SLC24A2: variants seen among roughly 807,000 people sequenced by gnomAD.
The protein encoded by SLC24A2 is sodium/potassium/calcium exchanger 2.
In SLC24A2, 36 loss-of-function variants were observed where a neutral mutation model predicts 62.0. The observed-to-expected ratio is 0.58, with a 90% CI of 0.44 to 0.77. SLC24A2 has a LOEUF of 0.77. SLC24A2 is among the 30% of genes least tolerant of loss of function. The pLI is 0.00. For missense variants in SLC24A2, 846 were observed against 817.9 expected (o/e 1.03, Z -0.42); for synonymous variants, 358 against 294.0 (o/e 1.22, Z -2.23).
intron 5 of SLC24A2, among the ~76,000 whole-genome samples, chr9:19,578,414 C>G (rs1169635198): frequency 6.7e-6 from 1 of 148,676 alleles, no homozygotes; most frequent in African/African-American, 2.5e-5. Context: ...ACAGCACATT[C>G]CTCTTCTTTT....
intron 2 of SLC24A2, among the ~76,000 whole-genome samples, chr9:19,666,927 G>A (rs1234894497): frequency 6.6e-6 from 1 of 152,106 alleles, no homozygotes; most frequent in Non-Finnish European, 1.5e-5. Context: ...CATTATCAGA[G>A]CTACACAAAC....
At chr9:19,904,022 C>A in the SLC24A2 span, among the ~76,000 whole-genome samples, 1 of 152,140 alleles carries the variant, frequency 6.6e-6, no homozygotes, top group Non-Finnish European at 1.5e-5. Context: ...CTCAGCAGGT[C>A]TAATGGGACA....
At chr9:20,039,377 G>T in the SLC24A2 span, among the ~76,000 whole-genome samples, 1 of 152,118 alleles carries the variant, frequency 6.6e-6, no homozygotes, top group Non-Finnish European at 1.5e-5. Flanking sequence ...GCAGCTGGCA[G>T]CAAGGCTGAG....
intron 4 of SLC24A2, among the ~76,000 whole-genome samples, chr9:19,604,292 G>A (rs996321020): frequency 7.2e-5 from 11 of 152,118 alleles, no homozygotes; most frequent in African/African-American, 2.7e-4. Flanking sequence ...CCCCTTCATT[G>A]CTTCAGTGAA....
rs368685866 is a variant in SLC24A2, at chr9:19,557,867, A to C, written c.1348-7599T>G. Among the ~76,000 whole-genome samples, 11 of 146,748 alleles carry C rather than the reference A, an allele frequency of 7.5e-5. No homozygotes were observed. The East Asian group carries it at 1.6e-3, about 21-fold the overall frequency. ...ACTCTGTCACCTAGACTAGAGTGCT[A>C]GAGTGCAGTGGCATGATCTCAGCTC... On this transcript the variant is annotated intron_variant, in intron 7 of 10. Transcript: ENST00000341998.
the SLC24A2 span, among the ~76,000 whole-genome samples, chr9:20,072,342 G>C: frequency 6.6e-6 from 1 of 152,088 alleles, no homozygotes; most frequent in African/African-American, 2.4e-5. Flanking sequence ...TTAGAGTCTT[G>C]CCTTGAGTGG....
At chr9:20,197,513 C>G in the SLC24A2 span, among the ~76,000 whole-genome samples, 1 of 147,858 alleles carries the variant, frequency 6.8e-6, no homozygotes, top group African/African-American at 2.5e-5. Flanking sequence ...CTCACTGCAG[C>G]CTTGACCTCC....
intron 2 of SLC24A2, among the ~76,000 whole-genome samples, chr9:19,758,582 C>G (rs576681130): frequency 6.6e-6 from 1 of 152,182 alleles, no homozygotes; most frequent in African/African-American, 2.4e-5. Context: ...ATTTGGAAAA[C>G]TCTCCTTGCT....
chr9:19,548,292 T>A (rs1294383190), intron 8 of SLC24A2, among the ~76,000 whole-genome samples: 1 of 152,204 alleles, frequency 6.6e-6, no homozygotes, highest in East Asian at 1.9e-4. Flanking sequence ...TTTTTCTACT[T>A]TGTGGCATCA....
At chr9:19,851,951 T>G in the SLC24A2 span, among the ~76,000 whole-genome samples, 2,101 of 152,336 alleles carry the variant, frequency 0.014, 55 homozygotes, top group African/African-American at 0.048. Flanking sequence ...CCACCAATGC[T>G]ATAAAAGCGT....
chr9:19,706,668 G>A (rs186331153), intron 2 of SLC24A2, among the ~76,000 whole-genome samples: 33 of 152,014 alleles, frequency 2.2e-4, no homozygotes, highest in South Asian at 1.2e-3. Context: ...GTGAGCCACC[G>A]CGCCCGGCCG....
chr9:20,139,279 G>A, the SLC24A2 span, among the ~76,000 whole-genome samples: 1 of 152,110 alleles, frequency 6.6e-6, no homozygotes, highest in African/African-American at 2.4e-5. Flanking sequence ...AAAATCCCAG[G>A]GCTACCCCTT....
the SLC24A2 span, among the ~76,000 whole-genome samples, chr9:20,119,439 C>A: frequency 6.6e-6 from 1 of 151,964 alleles, no homozygotes; most frequent in Non-Finnish European, 1.5e-5. Context: ...TCCAAAAATG[C>A]AAAGTTGGTA....
the SLC24A2 span, among the ~76,000 whole-genome samples, chr9:19,857,161 A>T: frequency 1.1e-4 from 16 of 152,206 alleles, no homozygotes; most frequent in African/African-American, 3.4e-4. Flanking sequence ...CTCCGCCTAG[A>T]AGATGAAGCT....
At chr9:19,798,564 T>G in the SLC24A2 span, among the ~76,000 whole-genome samples, 1 of 151,538 alleles carries the variant, frequency 6.6e-6, no homozygotes, top group Admixed American at 6.6e-5. Context: ...ATTGCTTTTA[T>G]ATATGAACAA....
the SLC24A2 span, among the ~76,000 whole-genome samples, chr9:19,923,199 G>A: frequency 6.6e-6 from 1 of 152,060 alleles, no homozygotes; most frequent in Admixed American, 6.6e-5. Flanking sequence ...CCATCCTTTA[G>A]ACTGTTAGAA....
the SLC24A2 span, among the ~76,000 whole-genome samples, chr9:19,850,943 A>ATATG: frequency 8.6e-3 from 249 of 28,790 alleles, 8 homozygotes; most frequent in African/African-American, 0.031. Flanking sequence ...ATATATATAT[A>ATATG]TACATATATA....
At chr9:19,815,231 G>C in the SLC24A2 span, among the ~76,000 whole-genome samples, 6 of 152,124 alleles carry the variant, frequency 3.9e-5, no homozygotes, top group Admixed American at 3.9e-4. Flanking sequence ...AGAGAAAAAA[G>C]TAGTGACTCA....
At chr9:19,646,983 C>A (rs1462085609) in intron 2 of SLC24A2, among the ~76,000 whole-genome samples, 4 of 151,932 alleles carry the variant, frequency 2.6e-5, no homozygotes, top group Non-Finnish European at 2.9e-5. Context: ...CTTTAACTCT[C>A]ACCATTTTCA....
Sources: gnomAD v4.1 joint callset for allele counts (sites outside exome capture counted in the v4.1 genomes callset) on GRCh38, gnomAD v4.1.1 for gene constraint, MANE v1.5 for transcripts, NCBI Gene and HGNC (gene_info 2026-07-23, HGNC 2026-07-21) for gene names.